Variants in CRACR2A observed in about 807,000 individuals in gnomAD.
The protein encoded by CRACR2A is EF-hand calcium-binding domain-containing protein 4B.
A neutral mutation model predicts 90.5 loss-of-function variants in CRACR2A; 79 were observed. That is an observed-to-expected ratio of 0.87 (90% CI 0.73 to 1.05). The LOEUF (loss-of-function observed/expected upper bound fraction) is 1.05, where lower values mean the gene tolerates loss of function less well. Among genes scored for constraint, CRACR2A ranks in the 50% least tolerant of loss-of-function variants. The pLI is 0.00. For missense variants in CRACR2A, 823 were observed against 897.2 expected (o/e 0.92, Z 1.06); for synonymous variants, 338 against 356.7 (o/e 0.95, Z 0.59).
chr12:3,739,431 G>A (rs1303023337), intron 1 of CRACR2A, among the ~76,000 whole-genome samples: 10 of 152,172 alleles, frequency 6.6e-5, no homozygotes, highest in Admixed American at 6.5e-4. Flanking sequence ...TAAAGTAAAT[G>A]TTAATTTCTT....
intron 4 of CRACR2A, among the ~76,000 whole-genome samples, chr12:3,694,044 G>A (rs1248948060): frequency 6.6e-6 from 1 of 152,098 alleles, no homozygotes; most frequent in Non-Finnish European, 1.5e-5. Flanking sequence ...AGTTGTTGGG[G>A]GCTGGGAATG....
Position 3,627,522 on chromosome 12 carries a change from TGAA to T in CRACR2A, c.1843_1845del (p.Phe615del). 1 of 1,551,700 alleles carries T rather than the reference TGAA, an allele frequency of 6.4e-7. No individual in the cohort carries two copies. Among genetic ancestry groups the T allele is most frequent in the Non-Finnish European group, 8.7e-7 (1 of 1,147,014 alleles). The stretch of plus-strand genomic sequence containing the variant: ...ATGACGATGACACCATCTGCCTTTC[TGAA>T]GAACTGCTGGGTGATGCACCGGTAC... On this transcript the variant is annotated inframe_deletion, in exon 17 of 20. Coordinates refer to ENST00000440314, the MANE Select transcript of CRACR2A (RefSeq NM_001144958.2).
At chr12:3,706,895 C>T (rs1223708253) in intron 3 of CRACR2A, among the ~76,000 whole-genome samples, 1 of 152,242 alleles carries the variant, frequency 6.6e-6, no homozygotes, top group African/African-American at 2.4e-5. Flanking sequence ...TGAGCCACCA[C>T]ACCCAGTCTG....
chr12:3,677,696 C>A (rs922767170), intron 6 of CRACR2A, among the ~76,000 whole-genome samples: 3 of 152,136 alleles, frequency 2.0e-5, no homozygotes. Context: ...AGCTTCCCAC[C>A]CACCTGTGCC....
intron 4 of CRACR2A, among the ~76,000 whole-genome samples, chr12:3,692,804 C>T (rs1215190910): frequency 2.6e-5 from 4 of 152,192 alleles, no homozygotes; most frequent in Admixed American, 1.3e-4. Flanking sequence ...CATAGTTGTG[C>T]TGGTGGTGGT....
chr12:3,641,327 A>C (rs537749433), intron 13 of CRACR2A, among the ~76,000 whole-genome samples: 1 of 152,246 alleles, frequency 6.6e-6, no homozygotes, highest in East Asian at 1.9e-4. Flanking sequence ...CTGGGCAACA[A>C]AGCAAGACTC....
At chr12:3,637,996 CA>C in intron 14 of CRACR2A, 127 bp downstream of exon 14, 2 of 898,562 alleles carry the variant, frequency 2.2e-6, no homozygotes, top group Non-Finnish European at 3.3e-6. Context: ...TTGGAGGACA[CA>C]TATGTGGTGA....
intron 6 of CRACR2A, among the ~76,000 whole-genome samples, chr12:3,675,536 A>C (rs1945321526): frequency 6.6e-6 from 1 of 152,190 alleles, no homozygotes; most frequent in Non-Finnish European, 1.5e-5. Context: ...AAAACTCTGT[A>C]TGCTAACTCC....
intron 7 of CRACR2A, among the ~76,000 whole-genome samples, chr12:3,667,220 T>A (rs1242083620): frequency 6.6e-6 from 1 of 152,206 alleles, no homozygotes; most frequent in Non-Finnish European, 1.5e-5. Flanking sequence ...GTAACCAAAT[T>A]TCCAAGGGTC....
intron 7 of CRACR2A, among the ~76,000 whole-genome samples, chr12:3,669,713 ACTCAGCCAC>A (rs2137557774): frequency 6.6e-6 from 1 of 152,198 alleles, no homozygotes; most frequent in African/African-American, 2.4e-5. Flanking sequence ...CTTGCCTAGC[ACTCAGCCAC>A]CTCAGTTGCC....
chr12:3,712,721 G>A (rs1946024251), intron 3 of CRACR2A, among the ~76,000 whole-genome samples: 1 of 152,142 alleles, frequency 6.6e-6, no homozygotes, highest in Non-Finnish European at 1.5e-5. Context: ...TATCCCATGG[G>A]AAGTGGCTGA....
intron 11 of CRACR2A, among the ~76,000 whole-genome samples, chr12:3,645,908 G>A (rs1944676748): frequency 6.6e-6 from 1 of 152,210 alleles, no homozygotes; most frequent in South Asian, 2.1e-4. Flanking sequence ...TGACAATGGA[G>A]GAGAGAAAGA....
chr12:3,640,444 T>C, intron 13 of CRACR2A: 1 of 1,086,328 alleles, frequency 9.2e-7, no homozygotes, highest in Non-Finnish European at 1.2e-6. Flanking sequence ...ATGTCTAATT[T>C]ATTTTTGGAG....
At chr12:3,688,530 T>G (rs1329645365) in intron 4 of CRACR2A, among the ~76,000 whole-genome samples, 1 of 152,186 alleles carries the variant, frequency 6.6e-6, no homozygotes, top group Non-Finnish European at 1.5e-5. Context: ...GGCTCTCTAT[T>G]CTGTTCCATT....
intron 11 of CRACR2A, among the ~76,000 whole-genome samples, chr12:3,646,114 C>T (rs755649322): frequency 6.6e-5 from 10 of 152,074 alleles, no homozygotes; most frequent in Non-Finnish European, 1.3e-4. Context: ...CAGGAGCAAG[C>T]GTGAGGATGG....
In CRACR2A at chr12:3,746,121, A is replaced by T. The variant is rs1946621734; in HGVS notation, c.-387+6894T>A. ...CTACCTCCTCTCTAAAGCCATGAGA[A>T]ATATACTTTACTTACTTGCCTATAA... On this transcript the variant is annotated intron_variant, in intron 1 of 19. Coordinates refer to ENST00000440314, the MANE Select transcript of CRACR2A (RefSeq NM_001144958.2). The surrounding 1 kb of genome is among the most constrained non-coding windows in gnomAD (Gnocchi z 4.4). Among the ~76,000 whole-genome samples the T allele has an allele frequency of 6.6e-6, 1 of 152,216 alleles. No homozygotes were observed. The highest frequency in any genetic ancestry group is 1.5e-5 in the Non-Finnish European group (1 of 68,044).
intron 7 of CRACR2A, among the ~76,000 whole-genome samples, chr12:3,663,854 G>A (rs1015761): frequency 0.15 from 22,327 of 152,212 alleles, 1,830 homozygotes; most frequent in South Asian, 0.26. Context: ...TTATGTCTGT[G>A]TGATCATTTT....
At chr12:3,635,741 A>G (rs561610129) in intron 14 of CRACR2A, among the ~76,000 whole-genome samples, 5 of 152,252 alleles carry the variant, frequency 3.3e-5, no homozygotes, top group African/African-American at 1.2e-4. Flanking sequence ...CCTGGCCTCA[A>G]GCTATCCTCT....
At chr12:3,723,461 A>G (rs890442572) in intron 2 of CRACR2A, among the ~76,000 whole-genome samples, 1 of 152,220 alleles carries the variant, frequency 6.6e-6, no homozygotes, top group African/African-American at 2.4e-5. Flanking sequence ...GGGTTTGGAA[A>G]CTGTGTGTGT....
Sources: gnomAD v4.1 joint callset for allele counts (sites outside exome capture counted in the v4.1 genomes callset) on GRCh38, gnomAD v4.1.1 for gene constraint, Gnocchi (gnomAD v3.1) non-coding constraint, MANE v1.5 for transcripts, NCBI Gene and HGNC (gene_info 2026-07-23, HGNC 2026-07-21) for gene names.